SLC5A5: variants seen among roughly 807,000 people sequenced by gnomAD.
The protein encoded by SLC5A5 is solute carrier family 5 member 5.
A neutral mutation model predicts 68.6 loss-of-function variants in SLC5A5; 56 were observed. The ratio of observed to expected loss-of-function variants is 0.82; its 90% CI spans 0.66 to 1.02. The LOEUF (loss-of-function observed/expected upper bound fraction) is 1.02, where lower values mean the gene tolerates loss of function less well. SLC5A5 is among the 50% of genes least tolerant of loss of function. The pLI, the probability that SLC5A5 is intolerant of heterozygous loss-of-function variation, is 0.00. For missense variants in SLC5A5, 807 were observed against 859.8 expected, an observed-to-expected ratio of 0.94 and a Z score of 0.77; for synonymous variants, 398 against 373.0, an observed-to-expected ratio of 1.07 and a Z score of -0.77.
intron 14 of SLC5A5, 121 bp downstream of exon 14, chr19:17,891,122 A>G: frequency 6.8e-6 from 5 of 736,628 alleles, no homozygotes; most frequent in East Asian, 2.6e-5. Context: ...ATCTCCAGTC[A>G]AAAGACTCTA....
At chr19:17,892,494 G>A (rs563498739) in intron 14 of SLC5A5, among the ~76,000 whole-genome samples, 6 of 151,948 alleles carry the variant, frequency 3.9e-5, no homozygotes, top group South Asian at 4.1e-4. Flanking sequence ...AAAATTAGCC[G>A]GGTGTGGTGG....
chr19:17,874,641 CAG>C (rs1568419016), intron 3 of SLC5A5, 21 bp from the exon 4 acceptor site: 1 of 1,613,502 alleles, frequency 6.2e-7, no homozygotes, highest in Non-Finnish European at 8.5e-7. Flanking sequence ...AGGGGCCTAA[CAG>C]GGGGACCTCT....
At chr19:17,883,340 C>G (rs184437349) in intron 10 of SLC5A5, among the ~76,000 whole-genome samples, 87 of 151,472 alleles carry the variant, frequency 5.7e-4, no homozygotes, top group African/African-American at 2.0e-3. Context: ...GAAAGGGCCT[C>G]CCTATGGAGG....
intron 4 of SLC5A5, among the ~76,000 whole-genome samples, 163 bp from the exon 5 acceptor site, chr19:17,875,789 T>A (rs1009144044): frequency 6.6e-6 from 1 of 151,920 alleles, no homozygotes; most frequent in East Asian, 1.9e-4. Context: ...AAAAATAAAA[T>A]AACTAACTTA....
At chr19:17,883,811 C>G in intron 11 of SLC5A5, 39 bp from the exon 12 acceptor site, 4 of 1,606,262 alleles carry the variant, frequency 2.5e-6, no homozygotes, top group Non-Finnish European at 3.4e-6. Context: ...CGGGGCCGGA[C>G]AGGCCCCTCC....
rs1209875584 is a variant in SLC5A5 at position 17,880,960 on chromosome 19, AC to A, written c.1058+11del. ...CTTACAGTGGCACCCTCAGGTGAGC[AC>A]CCCTGCTTGTTCATGGAGCATTATT... is the stretch of plus-strand genomic sequence containing the variant. On this transcript the variant is annotated splice_region_variant and intron_variant, in intron 8 of 14. Coordinates refer to ENST00000222248, the MANE Select transcript of SLC5A5 (RefSeq NM_000453.3). 5 of 1,606,942 alleles carry A rather than the reference AC, an allele frequency of 3.1e-6. No homozygotes were observed. Among genetic ancestry groups the A allele is most frequent in the Middle Eastern group, 3.3e-4 (2 of 6,060 alleles).
At chr19:17,886,677 G>C (rs551161389) in intron 12 of SLC5A5, among the ~76,000 whole-genome samples, 1 of 152,238 alleles carries the variant, frequency 6.6e-6, no homozygotes, top group South Asian at 2.1e-4. Flanking sequence ...ATTCCGACCA[G>C]CAACATATGA....
At chr19:17,874,834 C>G (rs2094303070) in intron 4 of SLC5A5, 103 bp downstream of exon 4, 1 of 1,060,122 alleles carries the variant, frequency 9.4e-7, no homozygotes, top group Non-Finnish European at 1.4e-6. Context: ...AGCCTCTGTC[C>G]CAGCTGGGAC....
intron 12 of SLC5A5, among the ~76,000 whole-genome samples, chr19:17,885,951 C>T (rs1447194790): frequency 6.6e-6 from 1 of 152,054 alleles, no homozygotes; most frequent in East Asian, 1.9e-4. Context: ...ACCTCTGCCT[C>T]CCAGGTTCAA....
intron 13 of SLC5A5, 133 bp downstream of exon 13, chr19:17,888,588 CTTATTATTATTATTA>C (rs10651875): frequency 4.3e-6 from 2 of 468,474 alleles, no homozygotes; most frequent in African/African-American, 2.7e-5. Context: ...ACATTTGTAC[CTTATTATTATTATTA>C]TTATTATTAT....
At chr19:17,876,817 G>A (rs1397584785) in intron 5 of SLC5A5, among the ~76,000 whole-genome samples, 1 of 150,222 alleles carries the variant, frequency 6.7e-6, no homozygotes, top group Non-Finnish European at 1.5e-5. Flanking sequence ...AGCCGAGATG[G>A]CATCACTGCA....
rs184861901 is a variant in SLC5A5 at position 17,888,256 on chromosome 19, G to T, written c.1527-75G>T. On this transcript the variant is annotated intron_variant, in intron 12 of 14. Coordinates refer to ENST00000222248, the MANE Select transcript of SLC5A5 (RefSeq NM_000453.3). ...GGCAGTTGGGGGAAGGAAGCAGGGGGTGAGGTTGGAACAGCTTTTGAGTGC... is the reference window on the plus strand; with the variant it reads ...GGCAGTTGGGGGAAGGAAGCAGGGGTTGAGGTTGGAACAGCTTTTGAGTGC... 4.4e-6 allele frequency: 7 copies of T among 1,576,224 alleles called. No individual in the cohort carries two copies. In the East Asian group the frequency reaches 1.3e-4, roughly 30 times the overall value.
intron 7 of SLC5A5, among the ~76,000 whole-genome samples, chr19:17,880,359 T>C (rs2094317891): frequency 6.6e-6 from 1 of 151,802 alleles, no homozygotes; most frequent in Non-Finnish European, 1.5e-5. Context: ...GGACTCCAGG[T>C]GCCAACCACC....
Position 17,893,746 on chromosome 19 carries a change from C to T in SLC5A5, c.1801C>T (p.Pro601Ser). 1 of 1,613,926 alleles carries T rather than the reference C, an allele frequency of 6.2e-7. No individual in the cohort carries two copies. Among genetic ancestry groups the T allele is most frequent in the Non-Finnish European group, 8.5e-7 (1 of 1,179,902 alleles). ...PEELPTGNKK[P>S]PGFLPTNEDR... ...AGAACTCCCCACTGGAAACAAGAAG[C>T]CCCCTGGCTTCCTGCCCACCAATGA... The change falls in exon 15 of 15, where the codon CCC becomes TCC. Residue 601 changes from proline to serine, a missense_variant. By Grantham distance (74) the Pro-to-Ser change is moderately conservative. Transcript: ENST00000222248.
At chr19:17,892,691 A>AGAGAGAGAGAGAGG (rs1386937959) in intron 14 of SLC5A5, among the ~76,000 whole-genome samples, 1 of 150,110 alleles carries the variant, frequency 6.7e-6, no homozygotes, top group East Asian at 2.0e-4. Flanking sequence ...AGAGAGAGAG[A>AGAGAGAGAGAGAGG]GAGAGAGCAA....
At position 17,894,361 on chromosome 19, in the gene SLC5A5, CTG is replaced by C. The variant is rs1488890444; in HGVS notation, c.*485_*486del. 3.5e-5 allele frequency: 6 copies of C among 169,962 alleles called. No individual in the cohort carries two copies. Among genetic ancestry groups the C allele is most frequent in the Non-Finnish European group, 5.1e-5 (4 of 78,184 alleles). 10.5% of individuals were successfully genotyped at this position (169,962 alleles called of 1,614,324 possible). A position where few individuals can be genotyped will look rare whatever the true frequency, so the allele number is the denominator to read the frequency against. On this transcript the variant is annotated 3_prime_UTR_variant, in exon 15 of 15. Transcript: ENST00000222248. ...ACAGGGTTTCACCATGTTGGTCAGG[CTG>C]GTCTCGAACTCCTGACCTCAAGTGA...
intron 14 of SLC5A5, among the ~76,000 whole-genome samples, chr19:17,893,372 G>A (rs1436639481): frequency 6.6e-6 from 1 of 152,054 alleles, no homozygotes; most frequent in Non-Finnish European, 1.5e-5. Context: ...CAAAGTGCTA[G>A]GATTACAGGG....
intron 13 of SLC5A5, 31 bp downstream of exon 13, chr19:17,888,486 T>A (rs1332906369): frequency 6.2e-7 from 1 of 1,611,752 alleles, no homozygotes; most frequent in South Asian, 1.1e-5. Flanking sequence ...GCCTCAGAGG[T>A]CATCCCATTC....
chr19:17,876,356 G>C (rs2147732624), intron 5 of SLC5A5, among the ~76,000 whole-genome samples: 1 of 151,764 alleles, frequency 6.6e-6, no homozygotes, highest in Admixed American at 6.6e-5. Flanking sequence ...GAGCCCGGTA[G>C]GTGGAGGCTG....
Sources: allele counts gnomAD v4.1 joint callset (sites outside exome capture counted in the v4.1 genomes callset), GRCh38; gene constraint gnomAD v4.1.1; transcripts MANE v1.5; gene names NCBI Gene and HGNC (gene_info 2026-07-23, HGNC 2026-07-21).